Variants in CSMD1 observed in about 807,000 individuals in gnomAD.
CSMD1 encodes the protein CUB and Sushi multiple domains 1, also known as CUB and sushi domain-containing protein 1.
Under a neutral mutation model 417.5 loss-of-function variants are expected in CSMD1, and 213 were observed. The observed-to-expected ratio is 0.51, with a 90% CI of 0.46 to 0.57. The LOEUF (loss-of-function observed/expected upper bound fraction) is 0.57. Ranked by LOEUF, CSMD1 falls within the 20% of genes least tolerant of loss-of-function variation. The pLI is 0.00. For missense variants in CSMD1, 6,923 were observed against 4,529.7 expected (o/e 1.53, Z -15.17); for synonymous variants, 2,862 against 1,736.8 (o/e 1.65, Z -16.11).
intron 3 of CSMD1, among the ~76,000 whole-genome samples, chr8:4,300,133 G>C (rs1262922652): frequency 2.6e-5 from 4 of 152,116 alleles, no homozygotes; most frequent in African/African-American, 4.8e-5. Context: ...GAGTGCTTTT[G>C]ACTGCATAGT....
At chr8:3,983,077 G>A (rs554205882) in intron 5 of CSMD1, among the ~76,000 whole-genome samples, 48 of 151,850 alleles carry the variant, frequency 3.2e-4, no homozygotes, top group Admixed American at 6.6e-4. Context: ...TTCCCCAGGA[G>A]CCTCTAATGA....
intron 5 of CSMD1, among the ~76,000 whole-genome samples, chr8:3,814,795 T>A (rs951126203): frequency 6.6e-6 from 1 of 152,136 alleles, no homozygotes; most frequent in Non-Finnish European, 1.5e-5. Flanking sequence ...TATTTATTCG[T>A]CACGGTGTGA....
chr8:3,473,878 A>G (rs1355375034), intron 11 of CSMD1, among the ~76,000 whole-genome samples: 1 of 152,164 alleles, frequency 6.6e-6, no homozygotes, highest in African/African-American at 2.4e-5. Flanking sequence ...CAGGAAACTT[A>G]CAATCATGGT....
At chr8:4,821,736 G>A (rs1002529716) in intron 1 of CSMD1, among the ~76,000 whole-genome samples, 5 of 152,040 alleles carry the variant, frequency 3.3e-5, no homozygotes, top group African/African-American at 7.2e-5. Context: ...GGATGTTCTT[G>A]TGTTATAAGT....
chr8:3,235,830 A>C (rs190021501), intron 26 of CSMD1, among the ~76,000 whole-genome samples: 1 of 152,062 alleles, frequency 6.6e-6, no homozygotes, highest in East Asian at 1.9e-4. Flanking sequence ...AAAGTTTTAA[A>C]CTTGTGAAGT....
At chr8:4,939,113 C>G (rs1807814993) in intron 1 of CSMD1, among the ~76,000 whole-genome samples, 1 of 152,086 alleles carries the variant, frequency 6.6e-6, no homozygotes, top group Non-Finnish European at 1.5e-5. Context: ...TTTATTATTT[C>G]TTTTGTTGTG....
intron 1 of CSMD1, among the ~76,000 whole-genome samples, chr8:4,793,035 C>A (rs902185590): frequency 1.3e-5 from 2 of 151,066 alleles, no homozygotes; most frequent in African/African-American, 2.4e-5. Context: ...AGCCATTAAG[C>A]CATTGCATAA....
rs1038030145 is a variant in CSMD1 at position 4,207,289 on chromosome 8, G to C, written c.416-175190C>G. Among the ~76,000 whole-genome samples the C allele has an allele frequency of 2.0e-5, 3 of 152,102 alleles. No homozygotes were observed. The East Asian group carries it at 5.8e-4, about 29-fold the overall frequency. On this transcript the variant is annotated intron_variant, in intron 3 of 69. Transcript: ENST00000635120. ...GAATGAAACTGTACAATTATGGCTG[G>C]TCTAAACCATGTTAACGTTAACTTT...
At chr8:4,678,294 C>T (rs6558900) in intron 1 of CSMD1, among the ~76,000 whole-genome samples, 4,895 of 151,976 alleles carry the variant, frequency 0.032, 247 homozygotes, top group African/African-American at 0.11. Context: ...ACCTGTAGTC[C>T]CAACTACTTG....
intron 26 of CSMD1, among the ~76,000 whole-genome samples, chr8:3,270,923 AATTTTTT>A (rs1801799493): frequency 7.6e-6 from 1 of 131,568 alleles, no homozygotes; most frequent in Non-Finnish European, 1.6e-5. Flanking sequence ...TTTTTTTTTT[AATTTTTT>A]ATTTATTATT....
intron 5 of CSMD1, among the ~76,000 whole-genome samples, chr8:3,909,425 G>A (rs1172281829): frequency 6.6e-6 from 1 of 152,138 alleles, no homozygotes; most frequent in East Asian, 1.9e-4. Context: ...GCCGAGGGCA[G>A]GATACGCAGA....
chr8:4,051,550 A>G (rs2554545), intron 3 of CSMD1, among the ~76,000 whole-genome samples: 131,332 of 152,182 alleles, frequency 0.86, 56,801 homozygotes, highest in South Asian at 0.94. Context: ...GAGAAAAGCA[A>G]CTCCAACAAT....
chr8:4,714,656 T>C (rs1472690649), intron 1 of CSMD1, among the ~76,000 whole-genome samples: 1 of 152,088 alleles, frequency 6.6e-6, no homozygotes, highest in Non-Finnish European at 1.5e-5. Context: ...CAGAAAGACA[T>C]ACTTGTCTTT....
At chr8:4,356,383 T>G (rs1801434027) in intron 3 of CSMD1, among the ~76,000 whole-genome samples, 1 of 152,042 alleles carries the variant, frequency 6.6e-6, no homozygotes, top group African/African-American at 2.4e-5. Flanking sequence ...TTTATGGACA[T>G]TTGGGTTGGT....
At chr8:3,391,560 G>T (rs764526415) in intron 17 of CSMD1, among the ~76,000 whole-genome samples, 1 of 152,128 alleles carries the variant, frequency 6.6e-6, no homozygotes, top group African/African-American at 2.4e-5. Flanking sequence ...ACTGTCGCTG[G>T]ACACTAACAT....
At chr8:3,789,426 G>C (rs1250321971) in intron 5 of CSMD1, among the ~76,000 whole-genome samples, 3 of 103,400 alleles carry the variant, frequency 2.9e-5, no homozygotes, top group Non-Finnish European at 5.9e-5. Flanking sequence ...TTTTTAAGTA[G>C]TGTTTTTTTT....
intron 5 of CSMD1, among the ~76,000 whole-genome samples, chr8:3,988,764 G>A (rs916962833): frequency 3.3e-5 from 5 of 152,192 alleles, no homozygotes; most frequent in African/African-American, 9.7e-5. Flanking sequence ...AAACAGCCCT[G>A]AATGTGAAAC....
At chr8:4,654,372 G>A (rs1220448611) in intron 1 of CSMD1, among the ~76,000 whole-genome samples, 1 of 152,210 alleles carries the variant, frequency 6.6e-6, no homozygotes, top group Non-Finnish European at 1.5e-5. Flanking sequence ...CCCCTGCTGG[G>A]TCTCCACCCC....
chr8:4,211,121 T>G (rs1429573353), intron 3 of CSMD1, among the ~76,000 whole-genome samples: 1 of 152,200 alleles, frequency 6.6e-6, no homozygotes, highest in East Asian at 1.9e-4. Flanking sequence ...CTGTTATATA[T>G]TCCTGAAATG....
Sources: gnomAD v4.1 joint callset for allele counts (sites outside exome capture counted in the v4.1 genomes callset) on GRCh38, gnomAD v4.1.1 for gene constraint, MANE v1.5 for transcripts, NCBI Gene and HGNC (gene_info 2026-07-23, HGNC 2026-07-21) for gene names.